The following EDA variants were observed in gnomAD, a reference collection of about 807,000 sequenced individuals.
EDA encodes ectodysplasin-A.
In EDA, 2 loss-of-function variants were observed where a neutral mutation model predicts 23.6. That is an observed-to-expected ratio of 0.08 (90% CI 0.03 to 0.27). The LOEUF is 0.27. Ranked by LOEUF, EDA falls within the 10% of genes least tolerant of loss-of-function variation. The pLI is 1.00. For synonymous variants in EDA, 131 were observed against 132.0 expected (o/e 0.99, Z 0.05); for missense variants, 229 against 324.2 (o/e 0.71, Z 2.26).
chrX:69,721,822 T>C (rs747618353), intron 1 of EDA, among the ~76,000 whole-genome samples: 1 of 111,872 alleles, frequency 8.9e-6, no homozygotes, highest in East Asian at 2.8e-4. Flanking sequence ...TTGTCTCTTA[T>C]GTCATTTCCA....
intron 1 of EDA, chrX:69,687,745 T>C (rs1259535070): frequency 9.0e-6 from 1 of 111,627 alleles, no homozygotes; most frequent in Non-Finnish European, 1.9e-5. Flanking sequence ...TTTATTTTTA[T>C]TTTGGCAAGC....
At chrX:69,889,251 G>A (rs373494750) in intron 1 of EDA, among the ~76,000 whole-genome samples, 5 of 106,777 alleles carry the variant, frequency 4.7e-5, no homozygotes, top group East Asian at 6.0e-4. Context: ...GGGCTCAAGC[G>A]ATCTTCCCAC....
At chrX:69,997,226 G>A (rs1343182142) in intron 2 of EDA, among the ~76,000 whole-genome samples, 1 of 112,347 alleles carries the variant, frequency 8.9e-6, no homozygotes, top group East Asian at 2.8e-4. Flanking sequence ...TGCTGATAGT[G>A]ATATAAACAA....
intron 1 of EDA, among the ~76,000 whole-genome samples, chrX:69,759,564 T>C (rs1460208386): frequency 8.9e-6 from 1 of 111,821 alleles, no homozygotes; most frequent in Non-Finnish European, 1.9e-5. Flanking sequence ...TCTGTAAGTA[T>C]ACACCGTGTT....
intron 1 of EDA, among the ~76,000 whole-genome samples, chrX:69,655,151 T>A (rs190840483): frequency 0.014 from 1,563 of 111,698 alleles, 20 homozygotes; most frequent in African/African-American, 0.046. Context: ...ATCCCAGCAC[T>A]TTGGGAGGCC....
intron 1 of EDA, among the ~76,000 whole-genome samples, chrX:69,716,611 G>A (rs779488384): frequency 4.5e-5 from 5 of 110,479 alleles, no homozygotes; most frequent in African/African-American, 9.9e-5. Context: ...TGTGAAGAAT[G>A]TCATTGATAG....
chrX:69,620,151 T>G (rs1932124766), intron 1 of EDA, among the ~76,000 whole-genome samples: 1 of 112,096 alleles, frequency 8.9e-6, no homozygotes. Flanking sequence ...AACAATCCAG[T>G]TCAATAAATA....
chrX:69,694,587 G>A (rs901928927), intron 1 of EDA, among the ~76,000 whole-genome samples: 2 of 111,947 alleles, frequency 1.8e-5, no homozygotes, highest in Non-Finnish European at 3.8e-5. Context: ...AAGTACCAGA[G>A]TAAACAACCA....
At position 70,035,945 on chromosome X, in the gene EDA, G is replaced by T; in HGVS notation, c.*336G>T. 1 of 291,386 alleles carries T rather than the reference G, an allele frequency of 3.4e-6. No homozygotes were observed. Among genetic ancestry groups the T allele is most frequent in the Non-Finnish European group, 6.0e-6 (1 of 165,663 alleles). The allele number at this position is 291,386 out of a possible 1,213,427, so 24.0% of individuals were successfully genotyped here. On this transcript the variant is annotated 3_prime_UTR_variant, in exon 8 of 8. Coordinates refer to ENST00000374552, the MANE Select transcript of EDA (RefSeq NM_001399.5). The stretch of plus-strand genomic sequence containing the variant: ...TGTTGCACTAAAATGAGGATCCAGG[G>T]CAGCAGGCCAGAGAAAGCAAAGGTG...
intron 1 of EDA, among the ~76,000 whole-genome samples, chrX:69,688,475 A>G (rs955445552): frequency 1.8e-5 from 2 of 111,263 alleles, no homozygotes; most frequent in African/African-American, 6.5e-5. Flanking sequence ...TTCTTGACTC[A>G]CTACAACCTC....
chrX:70,017,207 CAG>C (rs2019963468), intron 2 of EDA, among the ~76,000 whole-genome samples: 1 of 111,768 alleles, frequency 8.9e-6, no homozygotes, highest in South Asian at 3.8e-4. Flanking sequence ...AAAATTGACT[CAG>C]TAATAAATAG....
chrX:69,998,991 C>A (rs755026415), intron 2 of EDA, among the ~76,000 whole-genome samples: 1 of 111,812 alleles, frequency 8.9e-6, no homozygotes, highest in Non-Finnish European at 1.9e-5. Flanking sequence ...GGCAACCTCC[C>A]AGACTTTGTT....
intron 1 of EDA, among the ~76,000 whole-genome samples, chrX:69,671,329 G>A (rs1458084659): frequency 1.8e-5 from 2 of 111,390 alleles, no homozygotes; most frequent in African/African-American, 3.3e-5. Flanking sequence ...TGTCTGAGCT[G>A]TGGGTATCTG....
At chrX:69,978,664 CA>C (rs2019359080) in intron 2 of EDA, among the ~76,000 whole-genome samples, 1 of 111,102 alleles carries the variant, frequency 9.0e-6, no homozygotes, top group African/African-American at 3.3e-5. Flanking sequence ...TTCATCACCT[CA>C]AAAAGAAACC....
At chrX:69,733,098 A>G (rs1446159896) in intron 1 of EDA, among the ~76,000 whole-genome samples, 2 of 108,836 alleles carry the variant, frequency 1.8e-5, no homozygotes, top group Non-Finnish European at 3.8e-5. Flanking sequence ...GAAGCTCTTT[A>G]GTTTAATTAG....
chrX:69,851,036 AT>A, intron 1 of EDA, among the ~76,000 whole-genome samples: 1 of 111,894 alleles, frequency 8.9e-6, no homozygotes, highest in Non-Finnish European at 1.9e-5. Context: ...CAAATAGACT[AT>A]AAACTTCTTT....
rs773328761 is a variant in EDA at position 69,968,526 on chromosome X, C to A, written c.502+11394C>A. On this transcript the variant is annotated intron_variant, in intron 2 of 7. Transcript: ENST00000374552. ...AGAGGCCAAAATAGCCTAAGGGGGC[C>A]TTCAAATGCCCATTCAGGTACTTAA... Among the ~76,000 whole-genome samples the A allele has an allele frequency of 2.7e-5, 3 of 111,797 alleles. No individual in the cohort carries two copies. In the South Asian group the frequency reaches 1.1e-3, roughly 42 times the overall value.
At chrX:69,756,196 T>C (rs2014112485) in intron 1 of EDA, among the ~76,000 whole-genome samples, 1 of 112,322 alleles carries the variant, frequency 8.9e-6, no homozygotes, top group Non-Finnish European at 1.9e-5. Context: ...CAGTTTTATT[T>C]TTCTTACAAT....
At chrX:69,982,830 T>C (rs1466618773) in intron 2 of EDA, among the ~76,000 whole-genome samples, 2 of 83,361 alleles carry the variant, frequency 2.4e-5, no homozygotes, top group Non-Finnish European at 4.6e-5. Flanking sequence ...TTCTGTCTCG[T>C]TGATCTGTCT....
Sources: gnomAD v4.1 joint callset for allele counts (sites outside exome capture counted in the v4.1 genomes callset) on GRCh38, gnomAD v4.1.1 for gene constraint, MANE v1.5 for transcripts, NCBI Gene and HGNC (gene_info 2026-07-23, HGNC 2026-07-21) for gene names.